Variants in NTAQ1 observed in about 807,000 individuals in gnomAD.
The protein encoded by NTAQ1 is protein N-terminal glutamine amidohydrolase.
A neutral mutation model predicts 28.2 loss-of-function variants in NTAQ1; 21 were observed. The ratio of observed to expected loss-of-function variants is 0.74; its 90% CI spans 0.53 to 1.07. The LOEUF (loss-of-function observed/expected upper bound fraction) is 1.07, where lower values mean the gene tolerates loss of function less well. Among genes scored for constraint, NTAQ1 ranks in the 50% least tolerant of loss-of-function variants. NTAQ1 has a pLI of 0.00. For missense variants in NTAQ1, 264 were observed against 256.6 expected (o/e 1.03, Z -0.20); for synonymous variants, 105 against 90.0 (o/e 1.17, Z -0.94).
downstream of NTAQ1, among the ~76,000 whole-genome samples, chr8:123,449,929 A>G (rs867818440): frequency 0.011 from 726 of 66,590 alleles, 30 homozygotes; most frequent in African/African-American, 0.034. Context: ...GTATATATAT[A>G]TGTGTGTGTG....
chr8:123,453,975 T>C (rs527606722), intron 6 of NTAQ1, among the ~76,000 whole-genome samples: 90 of 152,310 alleles, frequency 5.9e-4, no homozygotes, highest in African/African-American at 2.1e-3. Context: ...CCACATTCTG[T>C]AATCAGATAA....
At chr8:123,460,420 G>C (rs764931676) in intron 6 of NTAQ1, among the ~76,000 whole-genome samples, 1 of 152,194 alleles carries the variant, frequency 6.6e-6, no homozygotes, top group Non-Finnish European at 1.5e-5. Context: ...CCATAAAGTG[G>C]AGATTCAGTC....
chr8:123,457,892 G>C (rs890063179), intron 6 of NTAQ1, among the ~76,000 whole-genome samples: 1 of 151,506 alleles, frequency 6.6e-6, no homozygotes, highest in Non-Finnish European at 1.5e-5. Flanking sequence ...AATTTAGCTG[G>C]GCGTGGTGTC....
downstream of NTAQ1, among the ~76,000 whole-genome samples, chr8:123,450,908 T>G (rs140110296): frequency 5.2e-3 from 794 of 152,334 alleles, 4 homozygotes; most frequent in South Asian, 0.018. Context: ...ATTCCCGTTT[T>G]CAAACAACAA....
At chr8:123,438,938 C>A (rs931964727) in intron 5 of NTAQ1, among the ~76,000 whole-genome samples, 1 of 152,178 alleles carries the variant, frequency 6.6e-6, no homozygotes, top group Admixed American at 6.5e-5. Context: ...TGGCAACCTG[C>A]TCTACAGGGC....
intron 1 of NTAQ1, among the ~76,000 whole-genome samples, chr8:123,426,820 T>G (rs1441154150): frequency 6.6e-6 from 1 of 151,858 alleles, no homozygotes; most frequent in African/African-American, 2.4e-5. Context: ...GTTAGCTGGG[T>G]GTGGTGCTGC....
At chr8:123,459,279 T>G (rs1260105607) in intron 6 of NTAQ1, among the ~76,000 whole-genome samples, 1 of 151,270 alleles carries the variant, frequency 6.6e-6, no homozygotes, top group African/African-American at 2.4e-5. Flanking sequence ...AACAGCCAGA[T>G]GAAGAGATCA....
At chr8:123,471,872 A>T (rs182220353), downstream of NTAQ1, among the ~76,000 whole-genome samples, 38 of 152,348 alleles carry the variant, frequency 2.5e-4, no homozygotes, top group Non-Finnish European at 1.5e-5. Context: ...TTGATTAAAT[A>T]TCTGGGCACC....
rs753101955 is a variant in NTAQ1, at chr8:123,428,021, A to G, written c.181A>G (p.Met61Val). ...TGTCTTCATATCTAATGAGAGGAAG[A>G]TGGTAAGTTGGTGAGTGATTGCAGA... ...YAVFISNERK[M>V]IPIWKQQARP... The change falls in exon 2 of 6, where the codon ATG (methionine) becomes GTG (valine). Residue 61 changes from methionine to valine, a missense_variant and splice_region_variant. Met to Val is a conservative substitution (Grantham distance 21). Transcript: ENST00000287387. 2 of 1,597,882 alleles carry G rather than the reference A, an allele frequency of 1.3e-6. No homozygotes were observed. The highest frequency in any genetic ancestry group is 1.3e-5 in the African/African-American group (1 of 74,240).
intron 2 of NTAQ1, among the ~76,000 whole-genome samples, chr8:123,429,146 C>T (rs2130230421): frequency 6.6e-6 from 1 of 152,252 alleles, no homozygotes; most frequent in South Asian, 2.1e-4. Context: ...CAAGTTTCTT[C>T]ATTTTATAGA....
intron 4 of NTAQ1, 79 bp downstream of exon 4, chr8:123,436,680 A>G (rs1411566157): frequency 2.0e-6 from 3 of 1,476,328 alleles, no homozygotes; most frequent in African/African-American, 2.9e-5. Context: ...TTTTTTTTTG[A>G]CAATTGTTTT....
intron 1 of NTAQ1, among the ~76,000 whole-genome samples, chr8:123,419,684 A>C (rs530160402): frequency 6.7e-6 from 1 of 149,942 alleles, no homozygotes; most frequent in Non-Finnish European, 1.5e-5. Context: ...GAGTGTCCCA[A>C]CCTTTCTGCT....
downstream of NTAQ1, among the ~76,000 whole-genome samples, chr8:123,443,380 C>T (rs1245970262): frequency 6.6e-6 from 1 of 152,226 alleles, no homozygotes; most frequent in Non-Finnish European, 1.5e-5. Flanking sequence ...GGAGCTGCTC[C>T]TGTCTGCCTA....
At chr8:123,461,669 C>A (rs934261518) in intron 6 of NTAQ1, among the ~76,000 whole-genome samples, 1 of 152,258 alleles carries the variant, frequency 6.6e-6, no homozygotes, top group African/African-American at 2.4e-5. Context: ...TCATAAAAAG[C>A]AGAACTATGA....
chr8:123,426,337 A>T (rs535309230), intron 1 of NTAQ1, among the ~76,000 whole-genome samples: 1 of 152,274 alleles, frequency 6.6e-6, no homozygotes, highest in East Asian at 1.9e-4. Context: ...GGGAAGATTG[A>T]TTTCAGTTCA....
intron 1 of NTAQ1, among the ~76,000 whole-genome samples, chr8:123,419,433 C>T (rs1026904031): frequency 6.6e-6 from 1 of 152,076 alleles, no homozygotes; most frequent in Admixed American, 6.6e-5. Flanking sequence ...ATGAATGCCT[C>T]CTGTCTACTT....
At position 123,441,559 on chromosome 8, in the gene NTAQ1, A is replaced by G. The variant is rs1045270; in HGVS notation, c.*144A>G. On this transcript the variant is annotated 3_prime_UTR_variant, in exon 6 of 6. Coordinates refer to ENST00000287387, the MANE Select transcript of NTAQ1 (RefSeq NM_018024.3). ...TTTGATTGAGTGGAAATCTGAGTGAATACAAATATAAATGAACAACATAAA... is the reference window on the plus strand; with the variant it reads ...TTTGATTGAGTGGAAATCTGAGTGAGTACAAATATAAATGAACAACATAAA... 0.37 allele frequency: 254,931 copies of G among 693,356 alleles called. 48,283 individuals are homozygous for G. Among genetic ancestry groups the G allele is most frequent in the East Asian group, 0.57 (20,925 of 36,478 alleles). 43.0% of individuals were successfully genotyped at this position (693,356 alleles called of 1,614,324 possible).
At chr8:123,438,545 C>G (rs569193617) in intron 5 of NTAQ1, among the ~76,000 whole-genome samples, 1 of 151,800 alleles carries the variant, frequency 6.6e-6, no homozygotes, top group Non-Finnish European at 1.5e-5. Context: ...AGTCCCAGCT[C>G]CTTGGGAGAC....
At chr8:123,451,345 T>G (rs899024970), downstream of NTAQ1, among the ~76,000 whole-genome samples, 1 of 152,108 alleles carries the variant, frequency 6.6e-6, no homozygotes, top group Admixed American at 6.6e-5. Context: ...CTGTTTTCCT[T>G]TTTTTTAAAT....
Sources: gnomAD v4.1 joint callset for allele counts (sites outside exome capture counted in the v4.1 genomes callset) on GRCh38, gnomAD v4.1.1 for gene constraint, MANE v1.5 for transcripts, NCBI Gene and HGNC (gene_info 2026-07-23, HGNC 2026-07-21) for gene names.